The following AGBL1 variants were observed in gnomAD, a reference collection of about 807,000 sequenced individuals.
AGBL1 encodes the protein AGBL carboxypeptidase 1.
AGBL1 carries 130 observed loss-of-function variants against 118.9 expected under a neutral mutation model. The ratio of observed to expected loss-of-function variants is 1.09; its 90% CI spans 0.95 to 1.26. The LOEUF (loss-of-function observed/expected upper bound fraction) is 1.26, where lower values mean the gene tolerates loss of function less well. Among genes scored for constraint, AGBL1 ranks in the 50% most tolerant of loss-of-function variants. The pLI is 0.00. For missense variants in AGBL1, 1,584 were observed against 1,298.1 expected, an observed-to-expected ratio of 1.22 and a Z score of -3.38; for synonymous variants, 555 against 478.9, an observed-to-expected ratio of 1.16 and a Z score of -2.08.
chr15:86,377,706 C>T (rs1465433177), intron 17 of AGBL1, among the ~76,000 whole-genome samples: 1 of 152,122 alleles, frequency 6.6e-6, no homozygotes, highest in Non-Finnish European at 1.5e-5. Flanking sequence ...TAGGTTAGGG[C>T]CGCCCTCGTC....
intron 1 of AGBL1, chr15:86,104,997 C>T (rs1567057134): frequency 6.6e-6 from 1 of 152,152 alleles, no homozygotes; most frequent in South Asian, 2.1e-4. Context: ...TCTCCAGGAT[C>T]CCAGGTGATC....
chr15:86,926,444 C>T (rs2080541009), intron 23 of AGBL1, among the ~76,000 whole-genome samples: 1 of 152,174 alleles, frequency 6.6e-6, no homozygotes, highest in South Asian at 2.1e-4. Flanking sequence ...AAACAACCTC[C>T]TTTTAAGAGA....
intron 22 of AGBL1, among the ~76,000 whole-genome samples, chr15:86,725,089 CA>C (rs1261180368): frequency 6.6e-6 from 1 of 152,106 alleles, no homozygotes; most frequent in Non-Finnish European, 1.5e-5. Flanking sequence ...AAGGAGGTAG[CA>C]TTCTTGAAGG....
chr15:87,029,106 T>C (rs2081762435), downstream of AGBL1: 4 of 342,806 alleles, frequency 1.2e-5, no homozygotes, highest in Admixed American at 1.9e-4. Flanking sequence ...TAGGTAAATA[T>C]AATAAATATA....
chr15:86,708,661 G>A (rs2086497974), intron 22 of AGBL1, among the ~76,000 whole-genome samples: 1 of 152,120 alleles, frequency 6.6e-6, no homozygotes. Flanking sequence ...TATAGATGAA[G>A]ACACTGATGT....
At chr15:86,332,273 A>G (rs933303880) in intron 17 of AGBL1, among the ~76,000 whole-genome samples, 1 of 152,198 alleles carries the variant, frequency 6.6e-6, no homozygotes, top group African/African-American at 2.4e-5. Flanking sequence ...GAACCTATGA[A>G]AAGACTTAGA....
intron 17 of AGBL1, among the ~76,000 whole-genome samples, chr15:86,376,624 G>A (rs1056173344): frequency 6.6e-5 from 10 of 152,224 alleles, no homozygotes; most frequent in African/African-American, 2.4e-4. Context: ...GGGCTTGATT[G>A]CATACTGCCT....
chr15:86,577,560 G>C (rs1014423770), intron 21 of AGBL1, among the ~76,000 whole-genome samples: 1 of 152,146 alleles, frequency 6.6e-6, no homozygotes, highest in Admixed American at 6.5e-5. Context: ...CAAGACAATG[G>C]GGAAAATGTC....
intron 7 of AGBL1, among the ~76,000 whole-genome samples, chr15:86,254,672 A>G (rs1258902288): frequency 6.6e-6 from 1 of 152,122 alleles, no homozygotes; most frequent in African/African-American, 2.4e-5. Context: ...TAAGGATCCT[A>G]TTTCCTGGAG....
intron 7 of AGBL1, among the ~76,000 whole-genome samples, chr15:86,249,654 G>A (rs1203754952): frequency 2.0e-5 from 3 of 152,048 alleles, no homozygotes; most frequent in Non-Finnish European, 2.9e-5. Context: ...CTGCATTGCC[G>A]ATGTTTAACA....
intron 22 of AGBL1, among the ~76,000 whole-genome samples, chr15:86,752,024 C>A (rs1240290442): frequency 6.6e-6 from 1 of 152,062 alleles, no homozygotes; most frequent in Non-Finnish European, 1.5e-5. Flanking sequence ...TACCTTGGTT[C>A]AATTTGTTCT....
At chr15:86,468,148 T>A (rs1023657027) in intron 18 of AGBL1, among the ~76,000 whole-genome samples, 1 of 152,142 alleles carries the variant, frequency 6.6e-6, no homozygotes, top group Non-Finnish European at 1.5e-5. Context: ...GATACTTGGA[T>A]AATTCACACT....
chr15:86,295,148 AGATT>A, intron 16 of AGBL1, 103 bp from the exon 17 acceptor site: 1 of 1,337,894 alleles, frequency 7.5e-7, no homozygotes, highest in Non-Finnish European at 1.0e-6. Context: ...AGGACAGATT[AGATT>A]AACAACAATA....
At chr15:86,135,408 A>G (rs1376102486) in intron 1 of AGBL1, among the ~76,000 whole-genome samples, 2 of 152,194 alleles carry the variant, frequency 1.3e-5, no homozygotes, top group Admixed American at 6.5e-5. Flanking sequence ...ACAACACAAA[A>G]GACAGACTAA....
At chr15:86,374,228 A>G (rs1204919365) in intron 17 of AGBL1, among the ~76,000 whole-genome samples, 2 of 152,238 alleles carry the variant, frequency 1.3e-5, no homozygotes, top group Non-Finnish European at 2.9e-5. Context: ...AATGGTATCC[A>G]TTGATACTTG....
intron 24 of AGBL1, among the ~76,000 whole-genome samples, chr15:86,997,306 G>A (rs1011196041): frequency 3.3e-5 from 5 of 152,012 alleles, no homozygotes; most frequent in Non-Finnish European, 7.4e-5. Context: ...AGGTCCTGGC[G>A]GCCTCCTGCA....
chr15:86,117,453 C>A (rs766277712), intron 1 of AGBL1, among the ~76,000 whole-genome samples: 2 of 152,110 alleles, frequency 1.3e-5, no homozygotes, highest in African/African-American at 2.4e-5. Context: ...CCCTGTGTGA[C>A]TATTGTGTTG....
At chr15:86,750,065 G>T (rs189414280) in intron 22 of AGBL1, among the ~76,000 whole-genome samples, 1 of 152,028 alleles carries the variant, frequency 6.6e-6, no homozygotes, top group African/African-American at 2.4e-5. Context: ...CTATTAATTG[G>T]AATAATTTCA....
intron 18 of AGBL1, among the ~76,000 whole-genome samples, chr15:86,422,203 C>T (rs2081800721): frequency 6.6e-6 from 1 of 152,182 alleles, no homozygotes; most frequent in South Asian, 2.1e-4. Flanking sequence ...GGAAGTAAAA[C>T]ACTCTGCAGC....
Sources: gnomAD v4.1 joint callset for allele counts (sites outside exome capture counted in the v4.1 genomes callset) on GRCh38, gnomAD v4.1.1 for gene constraint, MANE v1.5 for transcripts, NCBI Gene and HGNC (gene_info 2026-07-23, HGNC 2026-07-21) for gene names.